Variants in BOP1 observed in about 807,000 individuals in gnomAD.
The protein encoded by BOP1 is BOP1 ribosomal biogenesis factor.
BOP1 carries 54 observed loss-of-function variants against 82.9 expected under a neutral mutation model. The observed-to-expected ratio is 0.65, with a 90% CI of 0.52 to 0.82. The LOEUF is 0.82. Among genes scored for constraint, BOP1 ranks in the 40% least tolerant of loss-of-function variants. The pLI, the probability that BOP1 is intolerant of heterozygous loss-of-function variation, is 0.00. For missense variants in BOP1, 1,170 were observed against 1,072.0 expected (o/e 1.09, Z -1.28); for synonymous variants, 566 against 451.1 (o/e 1.25, Z -3.23).
intron 1 of BOP1, among the ~76,000 whole-genome samples, 180 bp from the exon 2 acceptor site, chr8:144,289,484 C>T (rs936375434): frequency 6.6e-6 from 1 of 152,266 alleles, no homozygotes; most frequent in East Asian, 1.9e-4. Flanking sequence ...GAGCCTTCCT[C>T]ATCTTCTACC....
At chr8:144,275,241 ACT>A (rs1308165654) in intron 3 of BOP1, among the ~76,000 whole-genome samples, 5 of 151,946 alleles carry the variant, frequency 3.3e-5, no homozygotes, top group Admixed American at 6.5e-5. Flanking sequence ...CCCAAAGGAG[ACT>A]CTGCCTCACA....
At chr8:144,275,660 G>A (rs975145460) in intron 3 of BOP1, among the ~76,000 whole-genome samples, 21 of 152,188 alleles carry the variant, frequency 1.4e-4, no homozygotes, top group African/African-American at 3.4e-4. Context: ...CAGAGGCAAC[G>A]GCCCCAGCCC....
rs572918616 is a variant in BOP1 at position 144,288,033 on chromosome 8, A to G, written c.309+1062T>C. Among the ~76,000 whole-genome samples the G allele has an allele frequency of 2.6e-5, 4 of 152,246 alleles. No individual in the cohort carries two copies. The East Asian group carries it at 7.7e-4, about 29-fold the overall frequency. On this transcript the variant is annotated intron_variant, in intron 2 of 15. Transcript: ENST00000569669. ...GTAATCCCAGCACTTTGGGAGGCCAAGGCAGGCAGATCACTTGAGGTCAGG... is the reference window on the plus strand; with the variant it reads ...GTAATCCCAGCACTTTGGGAGGCCAGGGCAGGCAGATCACTTGAGGTCAGG...
At chr8:144,267,260 C>T in intron 3 of BOP1, 1 of 1,414,812 alleles carries the variant, frequency 7.1e-7, no homozygotes, top group Non-Finnish European at 9.2e-7. Flanking sequence ...GGAGGCGAGG[C>T]CACACGGGCA....
At chr8:144,267,698 A>G (rs1845409912) in intron 3 of BOP1, among the ~76,000 whole-genome samples, 1 of 151,898 alleles carries the variant, frequency 6.6e-6, no homozygotes, top group Non-Finnish European at 1.5e-5. Flanking sequence ...GACGTGGGCC[A>G]TGGGACACGA....
chr8:144,289,060 G>A (rs782451992), intron 2 of BOP1, 35 bp downstream of exon 2: 8 of 1,610,878 alleles, frequency 5.0e-6, no homozygotes, highest in South Asian at 2.2e-5. Flanking sequence ...CTGCACATGG[G>A]GGACAGCCCT....
intron 3 of BOP1, chr8:144,268,091 C>A: frequency 6.4e-7 from 1 of 1,550,482 alleles, no homozygotes; most frequent in Admixed American, 2.0e-5. Flanking sequence ...ACACTCCTCC[C>A]TCCCCTCTGC....
At chr8:144,263,656 C>CCCCCCAGCTCGGA (rs1321614747) in intron 10 of BOP1, 36 bp downstream of exon 10, 110 of 1,599,712 alleles carry the variant, frequency 6.9e-5, no homozygotes, top group Non-Finnish European at 8.6e-5. Context: ...ATCCCACCTG[C>CCCCCCAGCTCGGA]CCCCCAGCTC....
intron 3 of BOP1, 76 bp from the exon 4 acceptor site, chr8:144,265,147 G>A: frequency 5.2e-6 from 8 of 1,544,184 alleles, no homozygotes; most frequent in Non-Finnish European, 7.0e-6. Context: ...AGGGGAGCAG[G>A]TGAGGGGGTT....
chr8:144,264,739 C>T lies in BOP1; in HGVS notation c.638G>A (p.Gly213Glu). ...CTCATAGGGGTTGAAGCCCACATCC[C>T]CAAACTGGCCACTCTGCAGCCGCCG... is the stretch of plus-strand genomic sequence containing the variant. Reference protein sequence around the residue: ...LVRRLQSGQFGDVGFNPYEPA... With the variant: ...LVRRLQSGQFEDVGFNPYEPA... Residue 213 changes from glycine (G) to glutamate (E), a missense_variant, in exon 5 of 16, where the codon GGG (glycine) becomes GAG (glutamate). Coordinates refer to ENST00000569669, the MANE Select transcript of BOP1 (RefSeq NM_015201.5). 1.9e-6 allele frequency: 3 copies of T among 1,585,828 alleles called. No individual in the cohort carries two copies. In the South Asian group the frequency reaches 3.4e-5, roughly 18 times the overall value.
Position 144,262,585 on chromosome 8 carries a change from C to G in BOP1, c.1979+3G>C. On this transcript the variant is annotated splice_donor_region_variant and intron_variant, in intron 14 of 15. Coordinates refer to ENST00000569669, the MANE Select transcript of BOP1 (RefSeq NM_015201.5). The stretch of plus-strand genomic sequence containing the variant: ...GGCCGCCTCCACCCCCAGCTTTCCT[C>G]ACCTCAGCATCCTGTATGGCTTGGT... 1 of 1,613,460 alleles carries G rather than the reference C, an allele frequency of 6.2e-7. No homozygotes were observed.
chr8:144,264,348 G>A lies in BOP1; in HGVS notation c.855C>T (p.Ala285=). The A allele has an allele frequency of 6.2e-7, 1 of 1,607,626 alleles. No individual in the cohort carries two copies. The highest frequency in any genetic ancestry group is 8.5e-7 in the Non-Finnish European group (1 of 1,179,680). Residue 285 remains alanine (A), a synonymous_variant, in exon 7 of 16, where the codon GCC becomes GCT. Coordinates refer to ENST00000569669, the MANE Select transcript of BOP1 (RefSeq NM_015201.5). ...DPTPSFYDLW[A]QEDPNAVLGR... ...CGAGCACGGCGTTGGGGTCCTCCTGGGCCCACAGGTCATAGAAGCTGGGGG... is the reference window on the plus strand; with the variant it reads ...CGAGCACGGCGTTGGGGTCCTCCTGAGCCCACAGGTCATAGAAGCTGGGGG...
intron 2 of BOP1, among the ~76,000 whole-genome samples, chr8:144,278,259 G>C (rs906264390): frequency 1.7e-5 from 1 of 59,604 alleles, no homozygotes; most frequent in Non-Finnish European, 3.4e-5. Context: ...AGCAGGATGC[G>C]GGGCCGCTGG....
chr8:144,285,384 G>A (rs1321800484), intron 2 of BOP1, among the ~76,000 whole-genome samples: 1 of 152,230 alleles, frequency 6.6e-6, no homozygotes, highest in Non-Finnish European at 1.5e-5. Context: ...AGGCCACAGG[G>A]GCCACGTCTT....
intron 3 of BOP1, chr8:144,267,026 GCGA>G: frequency 6.6e-7 from 1 of 1,519,834 alleles, no homozygotes; most frequent in Non-Finnish European, 8.8e-7. Flanking sequence ...GAGGCCTGCG[GCGA>G]CGGACAGCCC....
Position 144,264,620 on chromosome 8 carries a change from G to A in BOP1, c.664-4C>T. ...CGCTGAAGAAGTCGACAGCCGGCTG[G>A]GGGAGAAGATGTGGGCGTGTGGGCC... On this transcript the variant is annotated splice_region_variant and splice_polypyrimidine_tract_variant and intron_variant, in intron 5 of 15. Transcript: ENST00000569669. 6.3e-7 allele frequency: 1 copy of A among 1,592,520 alleles called. No homozygotes were observed. Among genetic ancestry groups the A allele is most frequent in the Non-Finnish European group, 8.6e-7 (1 of 1,169,308 alleles).
intron 2 of BOP1, among the ~76,000 whole-genome samples, chr8:144,279,708 G>C (rs587649588): frequency 6.6e-6 from 1 of 152,324 alleles, no homozygotes; most frequent in South Asian, 2.1e-4. Context: ...TGGGCTTGTG[G>C]CTGCTTTACC....
intron 2 of BOP1, among the ~76,000 whole-genome samples, chr8:144,284,010 A>C (rs1814791030): frequency 6.6e-6 from 1 of 152,200 alleles, no homozygotes; most frequent in Non-Finnish European, 1.5e-5. Context: ...CCGGCTACTC[A>C]GGAGGCTGAG....
rs1588587624 is a variant in BOP1 at position 144,263,540 on chromosome 8, C to T, written c.1362G>A (p.Gly454=). 1 of 1,600,612 alleles carries T rather than the reference C, an allele frequency of 6.2e-7. No individual in the cohort carries two copies. Among genetic ancestry groups the T allele is most frequent in the Non-Finnish European group, 8.5e-7 (1 of 1,179,752 alleles). Residue 454 remains glycine (G), a synonymous_variant, in exon 11 of 16, where the codon GGG becomes GGA. Coordinates refer to ENST00000569669, the MANE Select transcript of BOP1 (RefSeq NM_015201.5). The part of the protein sequence containing the change: ...TARCVRTVPV[G]GVVKSVAWNP... ...TCCAGGCCACACTCTTCACCACGCC[C>T]CCCACGGGAACAGTCCTCACACAGC...
Sources: allele counts gnomAD v4.1 joint callset (sites outside exome capture counted in the v4.1 genomes callset), GRCh38; gene constraint gnomAD v4.1.1; transcripts MANE v1.5; gene names NCBI Gene and HGNC (gene_info 2026-07-23, HGNC 2026-07-21).